Variants in TPP2 observed in about 807,000 individuals in gnomAD.
The protein encoded by TPP2 is tripeptidyl-peptidase 2.
Under a neutral mutation model 155.9 loss-of-function variants are expected in TPP2, and 34 were observed. That is an observed-to-expected ratio of 0.22 (90% CI 0.17 to 0.29). The LOEUF (loss-of-function observed/expected upper bound fraction) is 0.29, where lower values mean the gene tolerates loss of function less well. TPP2 is among the 10% of genes least tolerant of loss of function. The pLI is 1.00. For missense variants in TPP2, 1,028 were observed against 1,522.3 expected (o/e 0.68, Z 5.40); for synonymous variants, 510 against 529.4 (o/e 0.96, Z 0.50).
At chr13:102,628,381 T>G (rs369159655) in intron 8 of TPP2, among the ~76,000 whole-genome samples, 2 of 152,220 alleles carry the variant, frequency 1.3e-5, no homozygotes, top group Non-Finnish European at 2.9e-5. Context: ...CATCCTCAGT[T>G]GTATATACAT....
At chr13:102,612,238 C>T (rs1880379365) in intron 2 of TPP2, among the ~76,000 whole-genome samples, 1 of 152,176 alleles carries the variant, frequency 6.6e-6, no homozygotes, top group Non-Finnish European at 1.5e-5. Context: ...TGTGATGAGG[C>T]TGGCAAGACT....
intron 8 of TPP2, among the ~76,000 whole-genome samples, chr13:102,628,506 TCTC>T (rs1210434584): frequency 6.6e-6 from 1 of 152,140 alleles, no homozygotes; most frequent in Admixed American, 6.5e-5. Flanking sequence ...AGTTTTCACA[TCTC>T]CTCAATCCAT....
At chr13:102,637,795 C>T (rs1882481136) in intron 14 of TPP2, among the ~76,000 whole-genome samples, 1 of 152,218 alleles carries the variant, frequency 6.6e-6, no homozygotes, top group Non-Finnish European at 1.5e-5. Context: ...AAGTGATCCT[C>T]CTGCCTTGGC....
At chr13:102,658,556 AC>A (rs2139575244) in intron 25 of TPP2, among the ~76,000 whole-genome samples, 1 of 152,370 alleles carries the variant, frequency 6.6e-6, no homozygotes, top group Admixed American at 6.5e-5. Flanking sequence ...TAAAAACAAA[AC>A]AAAACAACTT....
chr13:102,651,840 C>T (rs544404127), intron 24 of TPP2, among the ~76,000 whole-genome samples: 5 of 151,832 alleles, frequency 3.3e-5, no homozygotes, highest in Middle Eastern at 3.2e-3. Context: ...CTTTTTAAAG[C>T]GAACTTTATT....
chr13:102,643,211 T>C lies in TPP2; in HGVS notation c.2021-11T>C. 6.5e-7 allele frequency: 1 copy of C among 1,529,650 alleles called. No individual in the cohort carries two copies. Among genetic ancestry groups the C allele is most frequent in the Non-Finnish European group, 8.8e-7 (1 of 1,138,658 alleles). The allele number at this position is 1,529,650 out of a possible 1,614,324, so 94.8% of individuals were successfully genotyped here. A position where few individuals can be genotyped will look rare whatever the true frequency, so the allele number is the denominator to read the frequency against. On this transcript the variant is annotated splice_polypyrimidine_tract_variant and intron_variant, in intron 16 of 29. Coordinates refer to ENST00000376052, the MANE Select transcript of TPP2 (RefSeq NM_001330588.2). Reference sequence around the variant, plus strand: ...AAGTTTAAAGCTTTGCTTCTTTCTTTCTTATTTTAGAAGTGACAGTGTGTT... The same window carrying C: ...AAGTTTAAAGCTTTGCTTCTTTCTTCCTTATTTTAGAAGTGACAGTGTGTT...
chr13:102,678,355 T>C lies in TPP2; in HGVS notation c.*39T>C. 4 of 1,593,178 alleles carry C rather than the reference T, an allele frequency of 2.5e-6. No homozygotes were observed. The highest frequency in any genetic ancestry group is 3.4e-6 in the Non-Finnish European group (4 of 1,165,438). The stretch of plus-strand genomic sequence containing the variant: ...ACTTTAAATTTTAAAAAAGGAAGTT[T>C]TATAGTGAATGGGTATAAAAACAAA... On this transcript the variant is annotated 3_prime_UTR_variant, in exon 30 of 30. Transcript: ENST00000376052.
At chr13:102,623,192 C>A in intron 6 of TPP2, 152 bp downstream of exon 6, 1 of 843,374 alleles carries the variant, frequency 1.2e-6, no homozygotes, top group Non-Finnish European at 1.8e-6. Flanking sequence ...TTTGATTTAC[C>A]TGCAAGATGT....
At chr13:102,676,230 GT>G in intron 28 of TPP2, 65 bp from the exon 29 acceptor site, 1 of 1,379,002 alleles carries the variant, frequency 7.3e-7, no homozygotes, top group Non-Finnish European at 9.8e-7. Flanking sequence ...TAATTTTATG[GT>G]TAAAGCTAAT....
At chr13:102,625,694 T>C (rs1243120277) in intron 6 of TPP2, among the ~76,000 whole-genome samples, 3 of 152,202 alleles carry the variant, frequency 2.0e-5, no homozygotes, top group Non-Finnish European at 2.9e-5. Flanking sequence ...ATCCGCAACA[T>C]TGGGCGAATG....
Position 102,627,155 on chromosome 13 carries a change from C to T in TPP2, c.928C>T (p.Leu310Phe). ...RLSTMETGTG[L>F]IRAMIEVINH... ...AAGCACAATGGAAACAGGCACAGGCCTCATAAGAGCTGTGAGTGTTTGTGA... is the reference window on the plus strand; with the variant it reads ...AAGCACAATGGAAACAGGCACAGGCTTCATAAGAGCTGTGAGTGTTTGTGA... The change falls in exon 7 of 30, where the codon CTC (leucine) becomes TTC (phenylalanine). Residue 310 changes from leucine to phenylalanine, a missense_variant. Physicochemically the swap from Leu to Phe is conservative, Grantham distance 22. Coordinates refer to ENST00000376052, the MANE Select transcript of TPP2 (RefSeq NM_001330588.2). The T allele has an allele frequency of 1.9e-6, 3 of 1,587,110 alleles. No individual in the cohort carries two copies. The highest frequency in any genetic ancestry group is 2.6e-6 in the Non-Finnish European group (3 of 1,169,428).
intron 25 of TPP2, among the ~76,000 whole-genome samples, chr13:102,659,563 T>C (rs975111876): frequency 1.3e-5 from 2 of 152,180 alleles, no homozygotes; most frequent in Admixed American, 6.5e-5. Flanking sequence ...TGGGATAATA[T>C]ATTCAGAGTG....
intron 6 of TPP2, among the ~76,000 whole-genome samples, chr13:102,626,471 G>T (rs559460930): frequency 2.6e-4 from 39 of 152,254 alleles, no homozygotes; most frequent in African/African-American, 7.9e-4. Flanking sequence ...ATTTTTGTGG[G>T]TGTCTTAGTT....
intron 7 of TPP2, among the ~76,000 whole-genome samples, chr13:102,627,507 C>T (rs1252963406): frequency 6.6e-6 from 1 of 151,970 alleles, no homozygotes; most frequent in African/African-American, 2.4e-5. Flanking sequence ...ACATTCTGTA[C>T]GTCATTTTAA....
intron 15 of TPP2, among the ~76,000 whole-genome samples, chr13:102,639,420 T>C (rs1882605512): frequency 6.6e-6 from 1 of 152,188 alleles, no homozygotes; most frequent in Non-Finnish European, 1.5e-5. Context: ...GTGCAACAGT[T>C]AAATTCTCAG....
chr13:102,635,089 G>A (rs1201101804), intron 11 of TPP2, among the ~76,000 whole-genome samples: 3 of 152,144 alleles, frequency 2.0e-5, no homozygotes, highest in African/African-American at 7.2e-5. Context: ...CAACCTGGCT[G>A]TACCCTAGAA....
chr13:102,665,939 A>G (rs1884565014), intron 27 of TPP2, among the ~76,000 whole-genome samples: 1 of 152,164 alleles, frequency 6.6e-6, no homozygotes, highest in Admixed American at 6.5e-5. Context: ...AGTGGGATAG[A>G]ATATATTTAA....
chr13:102,625,378 A>T (rs539567490), intron 6 of TPP2, among the ~76,000 whole-genome samples: 53 of 134,102 alleles, frequency 4.0e-4, no homozygotes, highest in African/African-American at 1.5e-3. Context: ...GTTAGCCAGG[A>T]TGGTCTCGAT....
intron 2 of TPP2, among the ~76,000 whole-genome samples, chr13:102,611,068 G>A (rs984372772): frequency 5.9e-5 from 9 of 152,040 alleles, no homozygotes; most frequent in African/African-American, 9.7e-5. Flanking sequence ...TTCATCATAC[G>A]TCATTTTTCC....
Sources: allele counts gnomAD v4.1 joint callset (sites outside exome capture counted in the v4.1 genomes callset), GRCh38; gene constraint gnomAD v4.1.1; transcripts MANE v1.5; gene names NCBI Gene and HGNC (gene_info 2026-07-23, HGNC 2026-07-21).